Variants in GPC5 observed in about 807,000 individuals in gnomAD.
GPC5 encodes glypican 5, also known as glypican-5.
Under a neutral mutation model 53.9 loss-of-function variants are expected in GPC5, and 47 were observed. The ratio of observed to expected loss-of-function variants is 0.87; its 90% CI spans 0.69 to 1.11. The LOEUF (loss-of-function observed/expected upper bound fraction) is 1.11, where lower values mean the gene tolerates loss of function less well. GPC5 is among the 50% of genes most tolerant of loss of function. The pLI is 0.00. For missense variants in GPC5, 748 were observed against 713.1 expected (o/e 1.05, Z -0.56); for synonymous variants, 286 against 263.3 (o/e 1.09, Z -0.84).
At chr13:91,502,803 A>C (rs994808461) in intron 2 of GPC5, among the ~76,000 whole-genome samples, 1 of 152,204 alleles carries the variant, frequency 6.6e-6, no homozygotes, top group African/African-American at 2.4e-5. Flanking sequence ...GGGAAATGCT[A>C]TTTTTTGTTT....
intron 7 of GPC5, among the ~76,000 whole-genome samples, chr13:92,473,336 A>G (rs1411026611): frequency 6.6e-6 from 1 of 152,072 alleles, no homozygotes; most frequent in African/African-American, 2.4e-5. Context: ...ACTCGATCAC[A>G]CTGTTTCTCT....
At chr13:91,438,079 A>T (rs1342226280) in intron 1 of GPC5, among the ~76,000 whole-genome samples, 3 of 152,040 alleles carry the variant, frequency 2.0e-5, no homozygotes, top group African/African-American at 7.2e-5. Flanking sequence ...TTTTTTTTCA[A>T]GGTTTTTAAC....
At chr13:92,827,303 G>T (rs1275731578) in intron 7 of GPC5, among the ~76,000 whole-genome samples, 1 of 152,108 alleles carries the variant, frequency 6.6e-6, no homozygotes, top group East Asian at 1.9e-4. Flanking sequence ...TTTTTTAAAA[G>T]TATATCCTTG....
intron 7 of GPC5, among the ~76,000 whole-genome samples, chr13:92,377,816 T>G (rs905087820): frequency 6.6e-6 from 1 of 152,252 alleles, no homozygotes; most frequent in African/African-American, 2.4e-5. Flanking sequence ...ACAATTCATT[T>G]TTCTATGGGT....
chr13:91,841,693 GA>G (rs937656070), intron 5 of GPC5, among the ~76,000 whole-genome samples: 3 of 150,832 alleles, frequency 2.0e-5, no homozygotes, highest in Admixed American at 6.6e-5. Context: ...AAAACCAACT[GA>G]AAAAAAAGGA....
intron 7 of GPC5, among the ~76,000 whole-genome samples, chr13:92,442,454 C>T (rs920948585): frequency 6.6e-6 from 1 of 151,998 alleles, no homozygotes; most frequent in Non-Finnish European, 1.5e-5. Context: ...TGCAGAGATC[C>T]TGGGACCCAT....
intron 6 of GPC5, among the ~76,000 whole-genome samples, chr13:92,132,143 C>T (rs1314402312): frequency 6.6e-6 from 1 of 151,976 alleles, no homozygotes; most frequent in Non-Finnish European, 1.5e-5. Context: ...TATAAATTTC[C>T]TCAGGAAAAA....
At chr13:92,127,205 A>G (rs1333206526) in intron 6 of GPC5, among the ~76,000 whole-genome samples, 1 of 152,010 alleles carries the variant, frequency 6.6e-6, no homozygotes, top group Non-Finnish European at 1.5e-5. Flanking sequence ...AGCAGGTGAG[A>G]GCAGCCTTAA....
At chr13:92,734,450 C>A (rs1437016242) in intron 7 of GPC5, among the ~76,000 whole-genome samples, 2 of 151,798 alleles carry the variant, frequency 1.3e-5, no homozygotes, top group Non-Finnish European at 2.9e-5. Flanking sequence ...TTGTATAGCT[C>A]ATACACTGTA....
chr13:92,251,427 A>G (rs115979617), intron 7 of GPC5, among the ~76,000 whole-genome samples: 209 of 152,186 alleles, frequency 1.4e-3, no homozygotes, highest in African/African-American at 4.7e-3. Context: ...ATCACTGGAT[A>G]TATGTGAGAA....
intron 6 of GPC5, among the ~76,000 whole-genome samples, chr13:92,100,565 G>GT (rs1333143039): frequency 6.6e-6 from 1 of 152,136 alleles, no homozygotes; most frequent in African/African-American, 2.4e-5. Context: ...GATTTTTCAT[G>GT]TTTATTATCC....
intron 7 of GPC5, among the ~76,000 whole-genome samples, chr13:92,506,621 A>C (rs1379455860): frequency 3.3e-5 from 5 of 152,144 alleles, no homozygotes; most frequent in Admixed American, 3.3e-4. Context: ...AGGAAATTTC[A>C]GAGAGTGAAA....
intron 7 of GPC5, among the ~76,000 whole-genome samples, chr13:92,427,629 C>T (rs1211813768): frequency 6.6e-6 from 1 of 151,934 alleles, no homozygotes; most frequent in East Asian, 1.9e-4. Context: ...AGGAAGTATT[C>T]ATTAAAGAAA....
chr13:92,717,182 T>C (rs1282310264), intron 7 of GPC5, among the ~76,000 whole-genome samples: 3 of 152,052 alleles, frequency 2.0e-5, no homozygotes, highest in East Asian at 1.9e-4. Flanking sequence ...ACTCTGCAAA[T>C]ACACATTTGG....
intron 6 of GPC5, among the ~76,000 whole-genome samples, chr13:91,942,002 C>T (rs1342847475): frequency 6.6e-6 from 1 of 152,066 alleles, no homozygotes; most frequent in East Asian, 1.9e-4. Flanking sequence ...TTAATGTATC[C>T]ATCACCTCAA....
chr13:91,940,013 C>A (rs932157213), intron 6 of GPC5, among the ~76,000 whole-genome samples: 1 of 152,080 alleles, frequency 6.6e-6, no homozygotes, highest in African/African-American at 2.4e-5. Context: ...AACCTAGATT[C>A]CACTCTCCAT....
At chr13:92,096,221 G>T (rs987024300) in intron 6 of GPC5, among the ~76,000 whole-genome samples, 3 of 152,066 alleles carry the variant, frequency 2.0e-5, no homozygotes, top group Non-Finnish European at 4.4e-5. Context: ...CCCCATCATT[G>T]GCCCTAGTTG....
intron 7 of GPC5, among the ~76,000 whole-genome samples, chr13:92,861,097 C>T (rs1266158422): frequency 1.3e-5 from 2 of 152,032 alleles, no homozygotes; most frequent in Non-Finnish European, 2.9e-5. Flanking sequence ...ACATTAAGTG[C>T]TATCAAAATA....
At position 92,139,680 on chromosome 13, in the gene GPC5, A is replaced by AAAAAAAAAAAGTG. The variant is rs532196727; in HGVS notation, c.1402-5145_1402-5144insAAAAAGTGAAAAA. ...AGATTCCGTCTCAAAAAAAAAAAAA[A>AAAAAAAAAAAGTG]AAAAAGTGTTATATTTAGAATATAC... On this transcript the variant is annotated intron_variant, in intron 6 of 7. Coordinates refer to ENST00000377067, the MANE Select transcript of GPC5 (RefSeq NM_004466.6). 1.2e-4 allele frequency among the ~76,000 whole-genome samples: 17 copies of AAAAAAAAAAAGTG among 140,890 alleles called. 1 individual carries two copies. Among genetic ancestry groups the AAAAAAAAAAAGTG allele is most frequent in the African/African-American group, 1.3e-4 (5 of 38,964 alleles). 92.4% of individuals were successfully genotyped at this position (140,890 alleles called of 152,430 possible). A position where few individuals can be genotyped will look rare whatever the true frequency, so the allele number is the denominator to read the frequency against.
Sources: gnomAD v4.1 joint callset for allele counts (sites outside exome capture counted in the v4.1 genomes callset) on GRCh38, gnomAD v4.1.1 for gene constraint, MANE v1.5 for transcripts, NCBI Gene and HGNC (gene_info 2026-07-23, HGNC 2026-07-21) for gene names.